Variants in SNTG2 observed in about 807,000 individuals in gnomAD.
The protein encoded by SNTG2 is gamma-2-syntrophin.
SNTG2 carries 74 observed loss-of-function variants against 70.9 expected under a neutral mutation model. That is an observed-to-expected ratio of 1.04 (90% CI 0.86 to 1.27). SNTG2 has a LOEUF of 1.27. SNTG2 is among the 50% of genes most tolerant of loss of function. The probability of loss-of-function intolerance (pLI) is 0.00; values close to 1 mark genes in which losing one functional copy is unlikely to be tolerated. For synonymous variants in SNTG2, 278 were observed against 273.8 expected, an observed-to-expected ratio of 1.02 and a Z score of -0.15; for missense variants, 717 against 690.7, an observed-to-expected ratio of 1.04 and a Z score of -0.43.
chr2:1,251,693 A>AC (rs201488952), intron 12 of SNTG2, among the ~76,000 whole-genome samples: 1,844 of 144,320 alleles, frequency 0.013, 32 homozygotes, highest in African/African-American at 0.045. Flanking sequence ...ACATGCACAC[A>AC]CCATGCACAC....
At chr2:1,190,822 CGATGTGTATT>C (rs796409189) in intron 8 of SNTG2, among the ~76,000 whole-genome samples, 70 of 152,006 alleles carry the variant, frequency 4.6e-4, no homozygotes, top group African/African-American at 1.6e-3. Context: ...AATGCTGCCA[CGATGTGTATT>C]GATGTGTATT....
chr2:1,164,716 G>C (rs1558478723), intron 6 of SNTG2, among the ~76,000 whole-genome samples: 1 of 149,976 alleles, frequency 6.7e-6, no homozygotes, highest in Non-Finnish European at 1.5e-5. Flanking sequence ...CAGTCTCCAT[G>C]TAGAGGGGAG....
chr2:1,281,740 G>T (rs1208803471), intron 14 of SNTG2, among the ~76,000 whole-genome samples: 1 of 152,126 alleles, frequency 6.6e-6, no homozygotes, highest in East Asian at 1.9e-4. Flanking sequence ...AAAGCAAATT[G>T]CACCTCAGGA....
At chr2:1,349,859 AAAAGAATTATTAAACATAG>A (rs2148304575) in intron 16 of SNTG2, among the ~76,000 whole-genome samples, 1 of 152,324 alleles carries the variant, frequency 6.6e-6, no homozygotes, top group South Asian at 2.1e-4. Context: ...TGCTTAGGGT[AAAAGAATTATTAAACATAG>A]AATCAAAGTT....
intron 4 of SNTG2, among the ~76,000 whole-genome samples, chr2:1,132,558 G>A (rs143948027): frequency 1.4e-3 from 210 of 152,280 alleles, no homozygotes; most frequent in African/African-American, 4.8e-3. Context: ...ATGTGTCATC[G>A]TGGTAGTAAG....
intron 6 of SNTG2, among the ~76,000 whole-genome samples, chr2:1,142,831 A>G (rs1221804020): frequency 6.6e-6 from 1 of 152,228 alleles, no homozygotes; most frequent in Admixed American, 6.5e-5. Context: ...CTACAACCCT[A>G]AACACATACT....
chr2:1,109,904 C>T (rs539336068), intron 4 of SNTG2, among the ~76,000 whole-genome samples: 4 of 152,138 alleles, frequency 2.6e-5, no homozygotes, highest in African/African-American at 4.8e-5. Context: ...GCAAGACGAA[C>T]GCGAACCTTC....
intron 1 of SNTG2, among the ~76,000 whole-genome samples, chr2:1,073,411 G>A (rs532304628): frequency 7.1e-4 from 108 of 152,174 alleles, no homozygotes; most frequent in Non-Finnish European, 1.3e-3. Context: ...ACCCAGCCAA[G>A]GCTCAGATGA....
chr2:1,295,781 G>C lies in SNTG2; in HGVS notation c.1285-12713G>C, dbSNP rs1202678033. On this transcript the variant is annotated intron_variant, in intron 14 of 16. Transcript: ENST00000308624. ...TAGAAGGCTGAGTCTCCTGTATTGGGGTGGGAGGGTCAGGCAGATGTCACC... is the reference window on the plus strand; with the variant it reads ...TAGAAGGCTGAGTCTCCTGTATTGGCGTGGGAGGGTCAGGCAGATGTCACC... Among the ~76,000 whole-genome samples the C allele has an allele frequency of 1.4e-4, 21 of 152,058 alleles. No homozygotes were observed. In the South Asian group the frequency reaches 4.1e-3, roughly 30 times the overall value.
chr2:987,121 A>T (rs1661350122), intron 1 of SNTG2, among the ~76,000 whole-genome samples: 1 of 152,224 alleles, frequency 6.6e-6, no homozygotes, highest in South Asian at 2.1e-4. Context: ...GCAGGAAAAC[A>T]TCCCTGAAGT....
At chr2:1,072,336 T>TA (rs1558366759) in intron 1 of SNTG2, among the ~76,000 whole-genome samples, 3 of 125,532 alleles carry the variant, frequency 2.4e-5, no homozygotes, top group Non-Finnish European at 4.9e-5. Context: ...CTTTTTCTTT[T>TA]CTTTTTCTTT....
At chr2:1,066,536 CCAGGAGATTTT>C (rs1440748177) in intron 1 of SNTG2, among the ~76,000 whole-genome samples, 11 of 151,772 alleles carry the variant, frequency 7.2e-5, no homozygotes, top group African/African-American at 2.7e-4. Flanking sequence ...CGGACAGTGA[CCAGGAGATTTT>C]CTTGGTGCAA....
intron 9 of SNTG2, among the ~76,000 whole-genome samples, chr2:1,220,750 G>T (rs1218533579): frequency 6.6e-6 from 1 of 152,214 alleles, no homozygotes; most frequent in Admixed American, 6.5e-5. Context: ...AAGGGCAGGG[G>T]CCACGTGTTT....
intron 1 of SNTG2, chr2:1,068,313 A>G (rs940655861): frequency 7.9e-5 from 12 of 152,128 alleles, no homozygotes; most frequent in African/African-American, 2.9e-4. Context: ...AGATAGAATA[A>G]AATATTCCTC....
intron 16 of SNTG2, among the ~76,000 whole-genome samples, chr2:1,318,313 G>A (rs1418867906): frequency 6.6e-6 from 1 of 152,236 alleles, no homozygotes; most frequent in African/African-American, 2.4e-5. Flanking sequence ...GAATTAATCT[G>A]AGCAACATGT....
intron 4 of SNTG2, among the ~76,000 whole-genome samples, chr2:1,100,106 T>C (rs1228649428): frequency 6.6e-6 from 1 of 151,784 alleles, no homozygotes; most frequent in Non-Finnish European, 1.5e-5. Context: ...GCGGGAAAAG[T>C]GAGAGAGCTA....
chr2:1,366,240 A>G (rs1287129740), intron 16 of SNTG2, among the ~76,000 whole-genome samples: 1 of 152,246 alleles, frequency 6.6e-6, no homozygotes, highest in Non-Finnish European at 1.5e-5. Context: ...AGACAACATT[A>G]GAAGAATGCA....
At chr2:1,145,368 A>G (rs536811966) in intron 6 of SNTG2, among the ~76,000 whole-genome samples, 2 of 152,326 alleles carry the variant, frequency 1.3e-5, no homozygotes, top group East Asian at 3.9e-4. Flanking sequence ...AGAGAACACA[A>G]GTTAATAATA....
intron 1 of SNTG2, among the ~76,000 whole-genome samples, chr2:1,039,454 A>G (rs1423801652): frequency 6.6e-6 from 1 of 152,218 alleles, no homozygotes; most frequent in Non-Finnish European, 1.5e-5. Flanking sequence ...GACTTATTTC[A>G]GCATTCCATT....
Sources: allele counts gnomAD v4.1 joint callset (sites outside exome capture counted in the v4.1 genomes callset), GRCh38; gene constraint gnomAD v4.1.1; transcripts MANE v1.5; gene names NCBI Gene and HGNC (gene_info 2026-07-23, HGNC 2026-07-21).